The following NUP214 variants were observed in gnomAD, a reference collection of about 807,000 sequenced individuals.
NUP214 encodes the protein nuclear pore complex protein Nup214.
A neutral mutation model predicts 196.2 loss-of-function variants in NUP214; 79 were observed. The ratio of observed to expected loss-of-function variants is 0.40; its 90% CI spans 0.34 to 0.49. The LOEUF (loss-of-function observed/expected upper bound fraction) is 0.49. NUP214 is among the 20% of genes least tolerant of loss of function. The pLI, the probability that NUP214 is intolerant of heterozygous loss-of-function variation, is 0.58. For missense variants in NUP214, 2,468 were observed against 2,539.0 expected, an observed-to-expected ratio of 0.97 and a Z score of 0.60; for synonymous variants, 1,020 against 990.5, an observed-to-expected ratio of 1.03 and a Z score of -0.56.
At chr9:131,178,554 C>T (rs912355955) in intron 24 of NUP214, 144 bp downstream of exon 24, 8 of 611,172 alleles carry the variant, frequency 1.3e-5, no homozygotes, top group African/African-American at 1.3e-4. Flanking sequence ...CTAAGCCTGC[C>T]TACACAATGC....
At position 131,129,496 on chromosome 9, in the gene NUP214, C is replaced by G; in HGVS notation, c.592+19C>G. The G allele has an allele frequency of 1.2e-6, 2 of 1,600,770 alleles. No homozygotes were observed. The highest frequency in any genetic ancestry group is 8.6e-7 in the Non-Finnish European group (1 of 1,167,890). ...ACCTCTGGTGAGTAATAAAGGCTTTCACACTGTAGCATACAATCATGGTCA... is the reference window on the plus strand; with the variant it reads ...ACCTCTGGTGAGTAATAAAGGCTTTGACACTGTAGCATACAATCATGGTCA... On this transcript the variant is annotated intron_variant, in intron 4 of 35. Coordinates refer to ENST00000359428, the MANE Select transcript of NUP214 (RefSeq NM_005085.4).
chr9:131,153,639 T>C (rs1416979354), intron 17 of NUP214, among the ~76,000 whole-genome samples: 1 of 152,240 alleles, frequency 6.6e-6, no homozygotes, highest in Non-Finnish European at 1.5e-5. Flanking sequence ...AATTTTCTTT[T>C]TTCATGGTGC....
intron 30 of NUP214, among the ~76,000 whole-genome samples, chr9:131,211,368 T>A (rs1187832734): frequency 6.6e-6 from 1 of 152,242 alleles, no homozygotes; most frequent in Non-Finnish European, 1.5e-5. Flanking sequence ...ACATTGAGAT[T>A]GCTTGCTATG....
At chr9:131,157,411 T>G (rs1419622276) in intron 17 of NUP214, among the ~76,000 whole-genome samples, 1 of 151,540 alleles carries the variant, frequency 6.6e-6, no homozygotes, top group Non-Finnish European at 1.5e-5. Flanking sequence ...TCCTACTGAC[T>G]TGGCCTCCCA....
chr9:131,195,363 A>G, intron 28 of NUP214, 69 bp downstream of exon 28: 4 of 1,249,370 alleles, frequency 3.2e-6, no homozygotes, highest in Non-Finnish European at 4.7e-6. Context: ...ATTTTTGCCC[A>G]CATGTTAGTA....
chr9:131,125,998 A>C lies in NUP214; in HGVS notation c.45+249A>C, dbSNP rs1295154770. ...AGCTACTTCCTGGGGCGGTCACAAT[A>C]GTGGCAATAACTGCTGTTTATTGAG... is the stretch of plus-strand genomic sequence containing the variant. On this transcript the variant is annotated intron_variant, in intron 1 of 35. Transcript: ENST00000359428. The surrounding 1 kb of genome is among the most constrained non-coding windows in gnomAD (Gnocchi z 4.1). 1.8e-6 allele frequency: 1 copy of C among 542,502 alleles called. No homozygotes were observed. Among genetic ancestry groups the C allele is most frequent in the Non-Finnish European group, 3.2e-6 (1 of 308,724 alleles). The allele number at this position is 542,502 out of a possible 1,614,324, so 33.6% of individuals were successfully genotyped here. A position where few individuals can be genotyped will look rare whatever the true frequency, so the allele number is the denominator to read the frequency against.
At chr9:131,133,803 A>G (rs1173576918) in intron 7 of NUP214, 2 of 152,228 alleles carry the variant, frequency 1.3e-5, no homozygotes, top group African/African-American at 4.8e-5. Flanking sequence ...AAAGCAAGAC[A>G]GTATCTTGAT....
intron 32 of NUP214, among the ~76,000 whole-genome samples, chr9:131,223,727 A>ATTTTTTT (rs529624907): frequency 1.9e-4 from 3 of 15,662 alleles, no homozygotes; most frequent in Non-Finnish European, 2.9e-4. Context: ...TTATTTATTT[A>ATTTTTTT]TTTTTTTTTT....
rs780832607 is a variant in NUP214, at chr9:131,128,411, C to G, written c.321C>G (p.Leu107=). 6.2e-6 allele frequency: 10 copies of G among 1,613,840 alleles called. No homozygotes were observed. The highest frequency in any genetic ancestry group is 5.9e-6 in the Non-Finnish European group (7 of 1,179,882). Residue 107 remains leucine (L), a synonymous_variant, in exon 3 of 36, where the codon CTC becomes CTG. Coordinates refer to ENST00000359428, the MANE Select transcript of NUP214 (RefSeq NM_005085.4). ...HLALSCDNLT[L]SACMMSSEYG... The stretch of plus-strand genomic sequence containing the variant: ...CCTTGAGCTGTGATAACCTCACACT[C>G]TCTGCGTGCATGATGTCCAGTGAAT...
chr9:131,139,704 G>T (rs1413263543), intron 10 of NUP214, among the ~76,000 whole-genome samples: 3 of 152,188 alleles, frequency 2.0e-5, no homozygotes, highest in Admixed American at 6.5e-5. Flanking sequence ...AGAACATCAG[G>T]ATTTTATGGC....
At chr9:131,207,050 G>A (rs1193775133) in intron 30 of NUP214, among the ~76,000 whole-genome samples, 2 of 152,200 alleles carry the variant, frequency 1.3e-5, no homozygotes, top group African/African-American at 4.8e-5. Context: ...TGAACTTTCA[G>A]GTAGCAGAAG....
rs1439836694 is a variant in NUP214 at position 131,125,673 on chromosome 9, G to A, written c.-32G>A. The A allele has an allele frequency of 4.5e-6, 7 of 1,547,856 alleles. No homozygotes were observed. In the East Asian group the frequency reaches 1.5e-4, roughly 33 times the overall value. On this transcript the variant is annotated 5_prime_UTR_variant, in exon 1 of 36. Transcript: ENST00000359428. This position sits in a 1 kb window ranked among gnomAD's most constrained non-coding sequence, Gnocchi z 4.1. ...CGTGGGCAAGGCCGTGGGAGGCAGC[G>A]TTGGCTGCTTCGACACACTGAGGGC...
At chr9:131,197,171 C>G in intron 28 of NUP214, 45 bp from the exon 29 acceptor site, 1 of 1,595,022 alleles carries the variant, frequency 6.3e-7, no homozygotes, top group Non-Finnish European at 8.6e-7. Context: ...AATGGGTCAT[C>G]TTTTGCTAAA....
chr9:131,195,320 T>G (rs1833742581), intron 28 of NUP214, 26 bp downstream of exon 28: 1 of 1,579,640 alleles, frequency 6.3e-7, no homozygotes, highest in South Asian at 1.1e-5. Flanking sequence ...TGAGTAGCAT[T>G]ACTCATGTGT....
rs770963761 is a variant in NUP214 at position 131,198,885 on chromosome 9, G to C, written c.5391G>C (p.Leu1797=). 1 of 1,614,202 alleles carries C rather than the reference G, an allele frequency of 6.2e-7. No homozygotes were observed. Among genetic ancestry groups the C allele is most frequent in the East Asian group, 2.2e-5 (1 of 44,888 alleles). Residue 1797 remains leucine, a synonymous_variant, in exon 29 of 36, where the codon CTG becomes CTC. Transcript: ENST00000359428. The part of the protein sequence containing the change: ...GQSSPNTGGG[L]FGQSNAPAFG... ...CTTCTCCCAACACAGGAGGGGGGCT[G>C]TTTGGCCAAAGCAACGCTCCTGCTT... is the stretch of plus-strand genomic sequence containing the variant.
At chr9:131,168,786 TTG>T (rs549513315) in intron 21 of NUP214, among the ~76,000 whole-genome samples, 79 of 152,316 alleles carry the variant, frequency 5.2e-4, no homozygotes, top group African/African-American at 1.9e-3. Context: ...TGTCATTTTT[TTG>T]TGTTTGGATA....
chr9:131,133,338 T>A, intron 7 of NUP214, 129 bp downstream of exon 7: 1 of 569,658 alleles, frequency 1.8e-6, no homozygotes, highest in East Asian at 3.4e-5. Flanking sequence ...AAGATCTCAC[T>A]CTGTCGCCCA....
intron 27 of NUP214, among the ~76,000 whole-genome samples, chr9:131,193,194 T>TCTGTG (rs980736167): frequency 2.0e-5 from 3 of 152,150 alleles, no homozygotes; most frequent in African/African-American, 7.2e-5. Context: ...GTGCCTGTTC[T>TCTGTG]CTGTGCCCTG....
chr9:131,206,846 G>A (rs577173976), intron 30 of NUP214, among the ~76,000 whole-genome samples: 2 of 152,314 alleles, frequency 1.3e-5, no homozygotes, highest in South Asian at 4.1e-4. Context: ...ACATCACTGT[G>A]ATAAACTCCA....
Sources: allele counts gnomAD v4.1 joint callset (sites outside exome capture counted in the v4.1 genomes callset), GRCh38; gene constraint gnomAD v4.1.1; non-coding constraint Gnocchi (gnomAD v3.1); transcripts MANE v1.5; gene names NCBI Gene and HGNC (gene_info 2026-07-23, HGNC 2026-07-21).